Variants in NFASC observed in about 807,000 individuals in gnomAD.
NFASC encodes neurofascin, also known as neurofascin homolog.
NFASC carries 43 observed loss-of-function variants against 147.5 expected under a neutral mutation model. That is an observed-to-expected ratio of 0.29 (90% CI 0.23 to 0.38). The LOEUF is 0.38. NFASC is among the 10% of genes least tolerant of loss of function. The pLI, the probability that NFASC is intolerant of heterozygous loss-of-function variation, is 1.00. For synonymous variants in NFASC, 622 were observed against 665.5 expected, an observed-to-expected ratio of 0.93 and a Z score of 1.01; for missense variants, 1,320 against 1,689.0, an observed-to-expected ratio of 0.78 and a Z score of 3.83.
In NFASC at chr1:204,979,154, A is replaced by G. The variant is rs2095467753; in HGVS notation, c.1978+85A>G. Reference sequence around the variant, plus strand: ...AAGGCCTTTCCTGGTTTCCAGCCCCACTTCTGCCTCGCTTGATGTGTGTCC... The same window carrying G: ...AAGGCCTTTCCTGGTTTCCAGCCCCGCTTCTGCCTCGCTTGATGTGTGTCC... On this transcript the variant is annotated intron_variant, in intron 18 of 29. Coordinates refer to ENST00000339876, the MANE Select transcript of NFASC (RefSeq NM_001005388.3). This position sits in a 1 kb window ranked among gnomAD's most constrained non-coding sequence, Gnocchi z 6.0. 8.3e-7 allele frequency: 1 copy of G among 1,201,630 alleles called. No homozygotes were observed. The highest frequency in any genetic ancestry group is 1.2e-6 in the Non-Finnish European group (1 of 843,264). 74.4% of individuals were successfully genotyped at this position (1,201,630 alleles called of 1,614,324 possible).
At chr1:204,828,803 G>C (rs1298490751) in intron 1 of NFASC, 21 bp downstream of exon 1, 1 of 985,334 alleles carries the variant, frequency 1.0e-6, no homozygotes, top group Non-Finnish European at 1.2e-6. Context: ...GCGAACACCG[G>C]AGAGATGGGG....
In NFASC at chr1:204,981,156, C is replaced by T. The variant is rs1277153255; in HGVS notation, c.2248-642C>T. Among the ~76,000 whole-genome samples, 5 of 152,264 alleles carry T rather than the reference C, an allele frequency of 3.3e-5. No individual in the cohort carries two copies. In the East Asian group the frequency reaches 5.8e-4, roughly 18 times the overall value. Reference sequence around the variant, plus strand: ...ACCTTCCCTGTCTTTCTGAAGGCTGCTCCCACAGCAGCCTTGGCCAAACAG... The same window carrying T: ...ACCTTCCCTGTCTTTCTGAAGGCTGTTCCCACAGCAGCCTTGGCCAAACAG... On this transcript the variant is annotated intron_variant, in intron 20 of 29. Transcript: ENST00000339876.
In NFASC at chr1:204,855,980, G is replaced by A. The variant is rs377069556; in HGVS notation, c.-200+27198G>A. On this transcript the variant is annotated intron_variant, in intron 1 of 29. Transcript: ENST00000339876. ...TCATTAACTCTTACAATGACCCTAT[G>A]AAGCAACTATTATCATTATCCCCAG... is the stretch of plus-strand genomic sequence containing the variant. Among the ~76,000 whole-genome samples, 11 of 152,158 alleles carry A rather than the reference G, an allele frequency of 7.2e-5. No individual in the cohort carries two copies. The East Asian group carries it at 1.5e-3, about 21-fold the overall frequency.
chr1:204,890,486 G>T lies in NFASC; in HGVS notation c.-199-30146G>T, dbSNP rs148005589. Among the ~76,000 whole-genome samples the T allele has an allele frequency of 1.2e-3, 188 of 152,264 alleles. 6 individuals are homozygous for T. The South Asian group carries it at 0.037, about 30-fold the overall frequency. On this transcript the variant is annotated intron_variant, in intron 1 of 29. Coordinates refer to ENST00000339876, the MANE Select transcript of NFASC (RefSeq NM_001005388.3). Reference sequence around the variant, plus strand: ...GGTATGAAGAAAAATCAGAAGGGGAGAAGGGAAACATTTTCAGTAGCTTAA... The same window carrying T: ...GGTATGAAGAAAAATCAGAAGGGGATAAGGGAAACATTTTCAGTAGCTTAA...
chr1:204,904,562 T>C (rs924096811), intron 1 of NFASC, among the ~76,000 whole-genome samples: 3 of 152,258 alleles, frequency 2.0e-5, no homozygotes, highest in Non-Finnish European at 4.4e-5. Flanking sequence ...GGGATTAGAA[T>C]GTAGATATCT....
At chr1:204,844,634 G>T (rs541303615) in intron 1 of NFASC, among the ~76,000 whole-genome samples, 1 of 152,094 alleles carries the variant, frequency 6.6e-6, no homozygotes, top group African/African-American at 2.4e-5. Context: ...TAATCCCAGC[G>T]CTTTGGGAGG....
chr1:204,948,571 G>T, intron 3 of NFASC: 1 of 517,836 alleles, frequency 1.9e-6, no homozygotes, highest in South Asian at 1.4e-5. Context: ...GGCCAAGGAT[G>T]GATTTGTTAA....
At chr1:204,915,497 A>G (rs2088993957) in intron 1 of NFASC, among the ~76,000 whole-genome samples, 1 of 152,144 alleles carries the variant, frequency 6.6e-6, no homozygotes, top group Non-Finnish European at 1.5e-5. Flanking sequence ...GGGACAGGGT[A>G]TGAGTGGAGC....
At position 204,861,768 on chromosome 1, in the gene NFASC, C is replaced by T. The variant is rs188086278; in HGVS notation, c.-200+32986C>T. ...CCTCCCAAAGTGCTGGGATTACAGG[C>T]GTGAGCCACCGCACCCGGCCTCTTC... On this transcript the variant is annotated intron_variant, in intron 1 of 29. Coordinates refer to ENST00000339876, the MANE Select transcript of NFASC (RefSeq NM_001005388.3). Among the ~76,000 whole-genome samples, 227 of 152,316 alleles carry T rather than the reference C, an allele frequency of 1.5e-3. 4 individuals carry two copies. The highest frequency in any genetic ancestry group is 0.011 in the Admixed American group (172 of 15,294).
chr1:204,862,878 T>G (rs553132049), intron 1 of NFASC, among the ~76,000 whole-genome samples: 17 of 152,358 alleles, frequency 1.1e-4, no homozygotes, highest in Non-Finnish European at 2.1e-4. Context: ...CCTAGACTAC[T>G]CAAGGCTTCC....
At chr1:204,915,597 A>G (rs2089019018) in intron 1 of NFASC, among the ~76,000 whole-genome samples, 1 of 152,154 alleles carries the variant, frequency 6.6e-6, no homozygotes, top group Non-Finnish European at 1.5e-5. Context: ...TTTGAGTTTC[A>G]TATCACGTGA....
intron 1 of NFASC, among the ~76,000 whole-genome samples, chr1:204,834,198 C>A (rs951817312): frequency 7.9e-5 from 12 of 151,828 alleles, no homozygotes; most frequent in African/African-American, 2.9e-4. Context: ...GTCCATGCCG[C>A]AAAGTCTTAC....
Position 204,879,137 on chromosome 1 carries a change from A to G in NFASC, c.-199-41495A>G, listed in dbSNP as rs191429318. 7.4e-4 allele frequency among the ~76,000 whole-genome samples: 113 copies of G among 152,372 alleles called. 1 individual carries two copies. The highest frequency in any genetic ancestry group is 4.1e-3 in the South Asian group (20 of 4,822). ...TCTGTGGCCTCTTCAACTAGATTTA[A>G]TGAACATTTTTATTTTGTAAATGAA... is the stretch of plus-strand genomic sequence containing the variant. On this transcript the variant is annotated intron_variant, in intron 1 of 29. Coordinates refer to ENST00000339876, the MANE Select transcript of NFASC (RefSeq NM_001005388.3).
In NFASC at chr1:204,894,859, A is replaced by G. The variant is rs148059239; in HGVS notation, c.-199-25773A>G. Among the ~76,000 whole-genome samples the G allele has an allele frequency of 8.2e-4, 125 of 152,270 alleles. 1 individual carries two copies. The highest frequency in any genetic ancestry group is 5.0e-3 in the South Asian group (24 of 4,822). On this transcript the variant is annotated intron_variant, in intron 1 of 29. Transcript: ENST00000339876. ...GCTGACTATTCCCGATTTGGACACC[A>G]TCCCTGGCTCCAGAAGTTCTAGTGA...
chr1:204,974,376 C>T (rs2095347090), intron 13 of NFASC, 86 bp downstream of exon 13: 1 of 1,059,930 alleles, frequency 9.4e-7, no homozygotes, highest in Non-Finnish European at 1.4e-6. Flanking sequence ...AGGTGTTCAG[C>T]AAGACCTGGG....
chr1:205,009,785 C>A, intron 28 of NFASC, 97 bp downstream of exon 28: 1 of 1,285,416 alleles, frequency 7.8e-7, no homozygotes, highest in Non-Finnish European at 1.1e-6. Flanking sequence ...TGTGTTCTCT[C>A]AGTGAAGCCA....
intron 1 of NFASC, among the ~76,000 whole-genome samples, chr1:204,846,622 A>G (rs1226039786): frequency 2.0e-5 from 3 of 152,008 alleles, no homozygotes; most frequent in Admixed American, 2.0e-4. Context: ...AATCCACCCA[A>G]TGTAAGACCT....
Position 204,957,789 on chromosome 1 carries a change from C to T in NFASC, c.669C>T (p.Ile223=), listed in dbSNP as rs1398964128. 3.7e-5 allele frequency: 60 copies of T among 1,614,072 alleles called. No homozygotes were observed. Among genetic ancestry groups the T allele is most frequent in the Non-Finnish European group, 5.1e-5 (60 of 1,180,036 alleles). The change falls in exon 8 of 30, where the codon ATC becomes ATT. Residue 223 remains isoleucine (I), a synonymous_variant. Transcript: ENST00000339876. ...CCCGCTTCCACTTCACCCACACCAT[C>T]CAGCAGAAGAACCCTTTCACCCTCA... is the stretch of plus-strand genomic sequence containing the variant. The part of the protein sequence containing the change: ...CNARFHFTHT[I]QQKNPFTLKV...
rs2095469870 is a variant in NFASC at position 204,979,280 on chromosome 1, G to C, written c.1979-82G>C. ...TGTGAGAGAGATTATAAAGATCAATGGAAGCCAAGAAGGAAGTGCTTTTAA... is the reference window on the plus strand; with the variant it reads ...TGTGAGAGAGATTATAAAGATCAATCGAAGCCAAGAAGGAAGTGCTTTTAA... On this transcript the variant is annotated intron_variant, in intron 18 of 29. Coordinates refer to ENST00000339876, the MANE Select transcript of NFASC (RefSeq NM_001005388.3). This position sits in a 1 kb window ranked among gnomAD's most constrained non-coding sequence, Gnocchi z 6.0. 8.3e-7 allele frequency: 1 copy of C among 1,204,328 alleles called. No individual in the cohort carries two copies. The highest frequency in any genetic ancestry group is 1.2e-5 in the South Asian group (1 of 82,368). The allele number at this position is 1,204,328 out of a possible 1,614,324, so 74.6% of individuals were successfully genotyped here. A position where few individuals can be genotyped will look rare whatever the true frequency, so the allele number is the denominator to read the frequency against.
Sources: allele counts gnomAD v4.1 joint callset (sites outside exome capture counted in the v4.1 genomes callset), GRCh38; gene constraint gnomAD v4.1.1; non-coding constraint Gnocchi (gnomAD v3.1); transcripts MANE v1.5; gene names NCBI Gene and HGNC (gene_info 2026-07-23, HGNC 2026-07-21).